The following THSD7B variants were observed in gnomAD, a reference collection of about 807,000 sequenced individuals.
The protein encoded by THSD7B is thrombospondin type-1 domain-containing protein 7B.
In THSD7B, 138 loss-of-function variants were observed where a neutral mutation model predicts 213.6. That is an observed-to-expected ratio of 0.65 (90% CI 0.56 to 0.74). The LOEUF is 0.74. Ranked by LOEUF, THSD7B falls within the 30% of genes least tolerant of loss-of-function variation. THSD7B has a pLI of 0.00. For missense variants in THSD7B, 1,931 were observed against 1,991.5 expected (o/e 0.97, Z 0.58); for synonymous variants, 742 against 687.0 (o/e 1.08, Z -1.25).
At chr2:137,605,763 G>A (rs983527869) in intron 17 of THSD7B, among the ~76,000 whole-genome samples, 10 of 143,646 alleles carry the variant, frequency 7.0e-5, no homozygotes, top group Admixed American at 3.7e-4. Flanking sequence ...CCGCATCCCT[G>A]GTTCAAGCGT....
chr2:136,873,959 C>T (rs1335251289), intron 1 of THSD7B, among the ~76,000 whole-genome samples: 1 of 152,072 alleles, frequency 6.6e-6, no homozygotes, highest in Non-Finnish European at 1.5e-5. Context: ...CTGAGATGGC[C>T]TTGGAATATT....
At chr2:136,794,979 G>T (rs1029138805) in intron 1 of THSD7B, among the ~76,000 whole-genome samples, 32 of 151,858 alleles carry the variant, frequency 2.1e-4, no homozygotes, top group African/African-American at 7.0e-4. Context: ...AGCCATACCT[G>T]CTTTCTTGTG....
At position 137,563,275 on chromosome 2, in the gene THSD7B, G is replaced by C; in HGVS notation, c.3193G>C (p.Glu1065Gln). 6.2e-7 allele frequency: 1 copy of C among 1,613,514 alleles called. No homozygotes were observed. The highest frequency in any genetic ancestry group is 8.5e-7 in the Non-Finnish European group (1 of 1,179,642). Residue 1065 changes from glutamate to glutamine, a missense_variant, in exon 16 of 28, where the codon GAA (glutamate) becomes CAA (glutamine). By Grantham distance (29) the Glu-to-Gln change is conservative. Transcript: ENST00000409968. ...SECNQYSWVV[E>Q]HWSSCKINNE... Reference sequence around the variant, plus strand: ...GTGCAATCAGTATTCCTGGGTTGTAGAACACTGGTCTTCATGCAAAATCAA... The same window carrying C: ...GTGCAATCAGTATTCCTGGGTTGTACAACACTGGTCTTCATGCAAAATCAA...
At chr2:137,313,982 G>A (rs924755448) in intron 12 of THSD7B, among the ~76,000 whole-genome samples, 4 of 152,088 alleles carry the variant, frequency 2.6e-5, no homozygotes, top group African/African-American at 9.7e-5. Context: ...ACAATTATGT[G>A]TCTTGGTGTT....
At chr2:136,961,637 A>G (rs1685221521) in intron 2 of THSD7B, among the ~76,000 whole-genome samples, 1 of 152,166 alleles carries the variant, frequency 6.6e-6, no homozygotes, top group African/African-American at 2.4e-5. Context: ...CCAACTGGAA[A>G]CAAGGAGGAA....
chr2:137,022,826 G>A (rs1686470733), intron 2 of THSD7B, among the ~76,000 whole-genome samples: 1 of 152,074 alleles, frequency 6.6e-6, no homozygotes, highest in African/African-American at 2.4e-5. Flanking sequence ...AAATATTTTA[G>A]ATTTTGGGGC....
chr2:136,958,706 C>T (rs575323790), intron 2 of THSD7B, among the ~76,000 whole-genome samples: 36 of 152,254 alleles, frequency 2.4e-4, no homozygotes, highest in African/African-American at 8.2e-4. Context: ...TTATTCTGAG[C>T]ATTGTTGGTG....
chr2:136,831,108 G>A (rs2104947148), intron 1 of THSD7B, among the ~76,000 whole-genome samples: 1 of 139,930 alleles, frequency 7.1e-6, no homozygotes, highest in African/African-American at 2.6e-5. Context: ...TTGGTGGTCT[G>A]GAGTTCTCGG....
At chr2:137,036,494 T>C (rs1170894660) in intron 2 of THSD7B, among the ~76,000 whole-genome samples, 4 of 152,200 alleles carry the variant, frequency 2.6e-5, no homozygotes, top group African/African-American at 7.2e-5. Flanking sequence ...TGGTTATTCA[T>C]TTCAGTATAC....
At chr2:136,989,194 G>C (rs1472004056) in intron 2 of THSD7B, among the ~76,000 whole-genome samples, 1 of 152,196 alleles carries the variant, frequency 6.6e-6, no homozygotes, top group African/African-American at 2.4e-5. Context: ...AAGCCAGAAG[G>C]AGAGGGGTAT....
intron 5 of THSD7B, among the ~76,000 whole-genome samples, chr2:137,141,338 C>G (rs1445812555): frequency 2.0e-5 from 3 of 152,024 alleles, no homozygotes; most frequent in African/African-American, 7.2e-5. Flanking sequence ...TATAACAAAA[C>G]TAAGACCAAT....
intron 1 of THSD7B, among the ~76,000 whole-genome samples, chr2:136,815,875 C>T (rs1682462079): frequency 6.6e-6 from 1 of 151,920 alleles, no homozygotes. Flanking sequence ...CGAGGGATGT[C>T]AGAATTTTTT....
intron 2 of THSD7B, among the ~76,000 whole-genome samples, chr2:136,897,473 A>T (rs1198596465): frequency 6.6e-6 from 1 of 151,992 alleles, no homozygotes; most frequent in East Asian, 1.9e-4. Flanking sequence ...TCATGGTCTC[A>T]CTGACTTCAG....
chr2:137,508,181 A>G (rs573294737), intron 15 of THSD7B, among the ~76,000 whole-genome samples: 1 of 152,228 alleles, frequency 6.6e-6, no homozygotes, highest in East Asian at 1.9e-4. Flanking sequence ...TTTCTGAGGG[A>G]AATCCCTGTC....
chr2:136,911,814 G>T (rs192629087), intron 2 of THSD7B, among the ~76,000 whole-genome samples: 36 of 152,206 alleles, frequency 2.4e-4, no homozygotes, highest in African/African-American at 8.4e-4. Flanking sequence ...CAAATCCTAC[G>T]GATATATTTG....
chr2:137,343,965 TA>T (rs560097879), intron 12 of THSD7B, among the ~76,000 whole-genome samples: 3 of 151,720 alleles, frequency 2.0e-5, no homozygotes, highest in South Asian at 4.2e-4. Flanking sequence ...TGAAATGGCC[TA>T]AAAAAATAAC....
rs544341465 is a variant in THSD7B at position 136,952,677 on chromosome 2, C to A, written c.139+70360C>A. 3.1e-3 allele frequency among the ~76,000 whole-genome samples: 470 copies of A among 152,110 alleles called. 4 individuals are homozygous for A. The highest frequency in any genetic ancestry group is 0.011 in the African/African-American group (443 of 41,502). Reference sequence around the variant, plus strand: ...ACTTCTAAAGAGGTTCTCAAAGAACCTAAAATTTCTATTGTGTTTTATGTT... The same window carrying A: ...ACTTCTAAAGAGGTTCTCAAAGAACATAAAATTTCTATTGTGTTTTATGTT... On this transcript the variant is annotated intron_variant, in intron 2 of 27. Transcript: ENST00000409968.
At chr2:136,926,167 T>G (rs1039534816) in intron 2 of THSD7B, among the ~76,000 whole-genome samples, 2 of 148,834 alleles carry the variant, frequency 1.3e-5, no homozygotes. Flanking sequence ...TCCTCCCTCC[T>G]TTCTCCCATG....
At chr2:137,213,030 T>TA (rs59100734) in intron 7 of THSD7B, among the ~76,000 whole-genome samples, 9,340 of 126,704 alleles carry the variant, frequency 0.074, 746 homozygotes, top group African/African-American at 0.19. Flanking sequence ...ATCTGTATGC[T>TA]AAAAAAAAAA....
Sources: allele counts gnomAD v4.1 joint callset (sites outside exome capture counted in the v4.1 genomes callset), GRCh38; gene constraint gnomAD v4.1.1; transcripts MANE v1.5; gene names NCBI Gene and HGNC (gene_info 2026-07-23, HGNC 2026-07-21).